Variants in PDE11A observed in about 807,000 individuals in gnomAD.
PDE11A encodes phosphodiesterase 11A.
In PDE11A, 100 loss-of-function variants were observed where a neutral mutation model predicts 100.5. The ratio of observed to expected loss-of-function variants is 1.00; its 90% CI spans 0.85 to 1.18. PDE11A has a LOEUF of 1.18. Ranked by LOEUF, PDE11A falls within the 50% of genes most tolerant of loss-of-function variation. The pLI is 0.00. For missense variants in PDE11A, 1,141 were observed against 1,152.6 expected (o/e 0.99, Z 0.15); for synonymous variants, 381 against 420.8 (o/e 0.91, Z 1.16).
intron 10 of PDE11A, among the ~76,000 whole-genome samples, chr2:177,763,490 C>A (rs1212384617): frequency 6.6e-6 from 1 of 152,184 alleles, no homozygotes; most frequent in Non-Finnish European, 1.5e-5. Context: ...CAAGACAAAG[C>A]TCCTGCCCTC....
chr2:177,803,416 A>G (rs983659078), intron 9 of PDE11A, among the ~76,000 whole-genome samples: 4 of 151,954 alleles, frequency 2.6e-5, no homozygotes, highest in Admixed American at 6.6e-5. Flanking sequence ...AACTATTCAA[A>G]AAAATCAAAG....
chr2:177,723,747 T>C (rs1448313617), intron 12 of PDE11A, among the ~76,000 whole-genome samples: 2 of 152,170 alleles, frequency 1.3e-5, no homozygotes, highest in African/African-American at 4.8e-5. Context: ...ATTTATGGGA[T>C]AGTAAAGAAT....
At chr2:178,036,931 C>T (rs1223650028) in intron 1 of PDE11A, among the ~76,000 whole-genome samples, 1 of 152,046 alleles carries the variant, frequency 6.6e-6, no homozygotes, top group African/African-American at 2.4e-5. Flanking sequence ...AGAAGAAAAC[C>T]CAGGCAATAC....
At chr2:177,966,614 T>C (rs971936527) in intron 2 of PDE11A, among the ~76,000 whole-genome samples, 5 of 152,154 alleles carry the variant, frequency 3.3e-5, no homozygotes, top group East Asian at 3.9e-4. Context: ...TAAGATGATC[T>C]TGTGGTTTTG....
intron 15 of PDE11A, among the ~76,000 whole-genome samples, chr2:177,693,568 C>T (rs1165266056): frequency 6.6e-6 from 1 of 152,194 alleles, no homozygotes; most frequent in Non-Finnish European, 1.5e-5. Flanking sequence ...GCCTTTATCT[C>T]CAACTTTGCT....
chr2:177,906,951 AC>A (rs2084799583), intron 2 of PDE11A, among the ~76,000 whole-genome samples: 1 of 152,074 alleles, frequency 6.6e-6, no homozygotes, highest in Non-Finnish European at 1.5e-5. Flanking sequence ...CAAGGAGGAG[AC>A]TTATTTTAAC....
chr2:177,708,805 A>G (rs995523135), intron 13 of PDE11A, among the ~76,000 whole-genome samples: 1 of 152,202 alleles, frequency 6.6e-6, no homozygotes, highest in Admixed American at 6.5e-5. Flanking sequence ...AGTACTGTCC[A>G]TGCACTGTTG....
At chr2:177,715,497 T>C (rs910986278) in intron 12 of PDE11A, among the ~76,000 whole-genome samples, 9 of 152,016 alleles carry the variant, frequency 5.9e-5, no homozygotes, top group Middle Eastern at 3.4e-3. Context: ...AATTTTCTCT[T>C]CAGGAGTTTT....
chr2:178,054,722 A>C (rs1052891874), intron 1 of PDE11A, among the ~76,000 whole-genome samples: 2 of 152,258 alleles, frequency 1.3e-5, no homozygotes, highest in African/African-American at 2.4e-5. Flanking sequence ...GAAGACATTT[A>C]TGCAGCCAAA....
Position 177,644,088 on chromosome 2 carries a change from G to C in PDE11A, c.2647-14526C>G, listed in dbSNP as rs183215935. Among the ~76,000 whole-genome samples, 454 of 152,286 alleles carry C rather than the reference G, an allele frequency of 3.0e-3. 1 individual carries two copies. Among genetic ancestry groups the C allele is most frequent in the African/African-American group, 9.9e-3 (413 of 41,578 alleles). ...GCTAGGGCAGTGTGGGAGGGAATGTGGGGGGGAGCCCCCACACAGAGTCCC... is the reference window on the plus strand; with the variant it reads ...GCTAGGGCAGTGTGGGAGGGAATGTCGGGGGGAGCCCCCACACAGAGTCCC... On this transcript the variant is annotated intron_variant, in intron 19 of 19. Transcript: ENST00000286063.
rs2079791576 is a variant in PDE11A at position 177,623,529 on chromosome 2, A to G, written c.*5878T>C. The G allele has an allele frequency of 6.6e-6, 1 of 152,214 alleles. No homozygotes were observed. The highest frequency in any genetic ancestry group is 2.4e-5 in the African/African-American group (1 of 41,450). The allele number at this position is 152,214 out of a possible 1,614,324, so 9.4% of individuals were successfully genotyped here. A position where few individuals can be genotyped will look rare whatever the true frequency, so the allele number is the denominator to read the frequency against. ...ACATGAAAATAAAATGGCAAAAGCA[A>G]TTTCCCCCCAAGGGAATGAGACTCA... On this transcript the variant is annotated 3_prime_UTR_variant, in exon 20 of 20. Transcript: ENST00000286063.
chr2:177,634,386 C>CTTTT (rs758752342), intron 19 of PDE11A, among the ~76,000 whole-genome samples: 2 of 59,376 alleles, frequency 3.4e-5, no homozygotes, highest in Non-Finnish European at 3.7e-5. Context: ...CTTTTTCTCT[C>CTTTT]TCTCTTTTTT....
chr2:178,049,365 G>A (rs1203802961), intron 1 of PDE11A, among the ~76,000 whole-genome samples: 2 of 152,264 alleles, frequency 1.3e-5, no homozygotes, highest in East Asian at 3.9e-4. Flanking sequence ...CCAGGCTTGG[G>A]GGGGAAGTTC....
intron 2 of PDE11A, among the ~76,000 whole-genome samples, chr2:177,988,635 G>A (rs997160243): frequency 6.6e-6 from 1 of 152,120 alleles, no homozygotes; most frequent in African/African-American, 2.4e-5. Context: ...ATTTTACACT[G>A]GGCTCTATAA....
intron 2 of PDE11A, among the ~76,000 whole-genome samples, chr2:178,085,194 G>A (rs1052543448): frequency 1.3e-5 from 2 of 152,110 alleles, no homozygotes; most frequent in African/African-American, 4.8e-5. Flanking sequence ...TAGACGTGAG[G>A]TGCTGCTATC....
chr2:178,046,221 T>C (rs953743434), intron 1 of PDE11A, among the ~76,000 whole-genome samples: 3 of 152,198 alleles, frequency 2.0e-5, no homozygotes, highest in African/African-American at 7.2e-5. Flanking sequence ...GGGGGGTTGG[T>C]TGGTACAGTT....
intron 12 of PDE11A, among the ~76,000 whole-genome samples, chr2:177,719,748 T>A (rs555937894): frequency 6.6e-6 from 1 of 152,158 alleles, no homozygotes; most frequent in East Asian, 1.9e-4. Context: ...GTACGTAGAG[T>A]GTTGCAGGGT....
intron 19 of PDE11A, among the ~76,000 whole-genome samples, chr2:177,634,636 C>T (rs1279425120): frequency 1.3e-5 from 2 of 152,150 alleles, no homozygotes; most frequent in East Asian, 3.9e-4. Context: ...GATCCCCCCG[C>T]CTCCGCCTCC....
intron 9 of PDE11A, among the ~76,000 whole-genome samples, chr2:177,801,538 A>AT (rs1477019923): frequency 1.3e-5 from 2 of 152,190 alleles, no homozygotes; most frequent in Non-Finnish European, 2.9e-5. Flanking sequence ...GTTAATAAAT[A>AT]TTTTTTAAAT....
Sources: allele counts gnomAD v4.1 joint callset (sites outside exome capture counted in the v4.1 genomes callset), GRCh38; gene constraint gnomAD v4.1.1; transcripts MANE v1.5; gene names NCBI Gene and HGNC (gene_info 2026-07-23, HGNC 2026-07-21).